The following SIL1 variants were observed in gnomAD, a reference collection of about 807,000 sequenced individuals.
SIL1 encodes the protein SIL1 nucleotide exchange factor, also known as nucleotide exchange factor SIL1.
SIL1 carries 40 observed loss-of-function variants against 49.1 expected under a neutral mutation model. The ratio of observed to expected loss-of-function variants is 0.81; its 90% CI spans 0.63 to 1.06. The LOEUF is 1.06. Ranked by LOEUF, SIL1 falls within the 50% of genes least tolerant of loss-of-function variation. SIL1 has a pLI of 0.00. For missense variants in SIL1, 500 were observed against 572.6 expected (o/e 0.87, Z 1.29); for synonymous variants, 253 against 250.8 (o/e 1.01, Z -0.08).
chr5:139,001,721 A>G lies in SIL1; in HGVS notation c.767+19450T>C, dbSNP rs367848351. On this transcript the variant is annotated intron_variant, in intron 7 of 9. Coordinates refer to ENST00000394817, the MANE Select transcript of SIL1 (RefSeq NM_022464.5). ...GGAGTTTGAGACCAGCCTGACCAACATAGTGAAACCCCGTCTCTACTAAAA... is the reference window on the plus strand; with the variant it reads ...GGAGTTTGAGACCAGCCTGACCAACGTAGTGAAACCCCGTCTCTACTAAAA... Among the ~76,000 whole-genome samples, 117 of 152,310 alleles carry G rather than the reference A, an allele frequency of 7.7e-4. 1 individual carries two copies. In the East Asian group the frequency reaches 0.017, roughly 22 times the overall value.
intron 1 of SIL1, among the ~76,000 whole-genome samples, chr5:139,197,288 A>AC (rs1317432834): frequency 1.3e-5 from 2 of 151,750 alleles, no homozygotes; most frequent in East Asian, 3.9e-4. Context: ...AAAAAAAAAA[A>AC]AAAACTGTTT....
At chr5:139,087,233 T>C (rs1770242833) in intron 3 of SIL1, among the ~76,000 whole-genome samples, 1 of 152,164 alleles carries the variant, frequency 6.6e-6, no homozygotes, top group African/African-American at 2.4e-5. Flanking sequence ...TTCCACCCTC[T>C]AGGCATTACT....
chr5:139,088,311 A>G (rs553485074), intron 3 of SIL1, among the ~76,000 whole-genome samples: 2 of 152,324 alleles, frequency 1.3e-5, no homozygotes, highest in South Asian at 2.1e-4. Context: ...AATCCAAATC[A>G]TTCCTGGTCA....
intron 3 of SIL1, among the ~76,000 whole-genome samples, chr5:139,102,926 C>A (rs1019414141): frequency 6.6e-6 from 1 of 152,032 alleles, no homozygotes; most frequent in Non-Finnish European, 1.5e-5. Context: ...GTTGGTCAGG[C>A]TGGTCTCAAA....
At chr5:139,051,322 G>A in intron 3 of SIL1, 1 of 474,946 alleles carries the variant, frequency 2.1e-6, no homozygotes, top group African/African-American at 2.0e-5. Flanking sequence ...GTTAGAACCT[G>A]CATATTTAAG....
At chr5:139,031,605 T>C (rs1483802511) in intron 5 of SIL1, among the ~76,000 whole-genome samples, 1 of 152,206 alleles carries the variant, frequency 6.6e-6, no homozygotes, top group Non-Finnish European at 1.5e-5. Flanking sequence ...CCTTCAACTT[T>C]CCATACAAAC....
At chr5:139,036,323 T>C (rs544047520) in intron 5 of SIL1, among the ~76,000 whole-genome samples, 2 of 152,190 alleles carry the variant, frequency 1.3e-5, no homozygotes, top group Non-Finnish European at 2.9e-5. Context: ...CATTTTTGTA[T>C]ATGGTATAAG....
chr5:139,159,281 C>A (rs990428184), intron 1 of SIL1, among the ~76,000 whole-genome samples: 1 of 152,168 alleles, frequency 6.6e-6, no homozygotes, highest in African/African-American at 2.4e-5. Context: ...AGGTAAAGAA[C>A]TGGGGCAGCA....
rs148095045 is a variant in SIL1 at position 139,027,554 on chromosome 5, T to C, written c.454-562A>G. Among the ~76,000 whole-genome samples the C allele has an allele frequency of 3.1e-3, 466 of 152,340 alleles. 1 individual carries two copies. Among genetic ancestry groups the C allele is most frequent in the African/African-American group, 9.8e-3 (408 of 41,582 alleles). Reference sequence around the variant, plus strand: ...ATCTAACCACAGGTGTACAATTTGTTCAACTGTTTGAAATGGCTAAATTAC... The same window carrying C: ...ATCTAACCACAGGTGTACAATTTGTCCAACTGTTTGAAATGGCTAAATTAC... On this transcript the variant is annotated intron_variant, in intron 5 of 9. Transcript: ENST00000394817.
At chr5:139,079,901 C>T (rs138329931) in intron 3 of SIL1, among the ~76,000 whole-genome samples, 3 of 152,286 alleles carry the variant, frequency 2.0e-5, no homozygotes, top group Admixed American at 2.0e-4. Context: ...ACACAAAGTC[C>T]AACTTTAGAA....
At chr5:138,962,501 T>A (rs1283389400) in intron 7 of SIL1, among the ~76,000 whole-genome samples, 1 of 152,266 alleles carries the variant, frequency 6.6e-6, no homozygotes, top group East Asian at 1.9e-4. Flanking sequence ...ATAATATTTA[T>A]CTCATGGGAT....
intron 3 of SIL1, among the ~76,000 whole-genome samples, chr5:139,104,033 TACA>T (rs1286262459): frequency 6.6e-6 from 1 of 152,212 alleles, no homozygotes; most frequent in Non-Finnish European, 1.5e-5. Context: ...TGAGGGTTCC[TACA>T]ACAAGTGCTT....
At chr5:139,127,701 C>A in intron 2 of SIL1, 38 bp downstream of exon 2, 1 of 1,543,764 alleles carries the variant, frequency 6.5e-7, no homozygotes, top group Admixed American at 1.8e-5. Context: ...CTCAAGACCT[C>A]ATCAAGGGTC....
chr5:139,162,831 CAG>C (rs1193449437), intron 1 of SIL1, among the ~76,000 whole-genome samples: 2 of 151,982 alleles, frequency 1.3e-5, no homozygotes, highest in East Asian at 1.9e-4. Flanking sequence ...GGAGGGAAAA[CAG>C]AGTCAACAAG....
At chr5:139,111,221 G>A (rs1046765393) in intron 3 of SIL1, among the ~76,000 whole-genome samples, 2 of 152,170 alleles carry the variant, frequency 1.3e-5, no homozygotes, top group Non-Finnish European at 2.9e-5. Context: ...GCTTGGCTCA[G>A]AAAACTGAAG....
At chr5:139,044,261 C>G (rs150108865) in intron 4 of SIL1, among the ~76,000 whole-genome samples, 21 of 152,250 alleles carry the variant, frequency 1.4e-4, no homozygotes, top group African/African-American at 5.1e-4. Context: ...CATCCACTGC[C>G]AATGTGTGAG....
intron 4 of SIL1, among the ~76,000 whole-genome samples, chr5:139,048,195 G>A (rs907548992): frequency 1.6e-4 from 25 of 151,868 alleles, no homozygotes; most frequent in Admixed American, 9.2e-4. Flanking sequence ...GTGTCACCCA[G>A]GCTGCAGTAC....
At chr5:139,079,756 G>C (rs1207846143) in intron 3 of SIL1, among the ~76,000 whole-genome samples, 1 of 152,188 alleles carries the variant, frequency 6.6e-6, no homozygotes, top group Admixed American at 6.5e-5. Context: ...AAAAAAGTAA[G>C]AAAATCACTT....
intron 1 of SIL1, chr5:139,137,571 G>A (rs1750999691): frequency 2.4e-6 from 1 of 423,824 alleles, no homozygotes; most frequent in Middle Eastern, 6.7e-4. Flanking sequence ...GGGTACATGT[G>A]CACAATGTGC....
Sources: allele counts gnomAD v4.1 joint callset (sites outside exome capture counted in the v4.1 genomes callset), GRCh38; gene constraint gnomAD v4.1.1; transcripts MANE v1.5; gene names NCBI Gene and HGNC (gene_info 2026-07-23, HGNC 2026-07-21).